Variants in SMG8 observed in about 807,000 individuals in gnomAD.
SMG8 encodes SMG8 nonsense mediated mRNA decay factor, also known as nonsense-mediated mRNA decay factor SMG8.
SMG8 carries 49 observed loss-of-function variants against 82.1 expected under a neutral mutation model. The observed-to-expected ratio is 0.60, with a 90% CI of 0.47 to 0.76. SMG8 has a LOEUF of 0.76. Among genes scored for constraint, SMG8 ranks in the 30% least tolerant of loss-of-function variants. SMG8 has a pLI of 0.00. For missense variants in SMG8, 969 were observed against 1,166.4 expected (o/e 0.83, Z 2.46); for synonymous variants, 404 against 430.0 (o/e 0.94, Z 0.75).
chr17:59,214,842 C>T lies in SMG8; in HGVS notation c.2816C>T (p.Pro939Leu), dbSNP rs1316019331. The T allele has an allele frequency of 2.3e-6, 2 of 872,938 alleles. No individual in the cohort carries two copies. Among genetic ancestry groups the T allele is most frequent in the Non-Finnish European group, 4.0e-6 (2 of 501,676 alleles). The allele number at this position is 872,938 out of a possible 1,614,324, so 54.1% of individuals were successfully genotyped here. Residue 939 changes from proline to leucine, a missense_variant, in exon 4 of 4, where the codon CCA (proline) becomes CTA (leucine). Pro to Leu is a moderately conservative substitution (Grantham distance 98). Coordinates refer to ENST00000300917, the MANE Select transcript of SMG8 (RefSeq NM_018149.7). ...CCACCACCATGTCCGGTATTCTACC[C>T]AGAAAAACAAGAAATCACCCTTCCA... ...PGPPPCPVFY[P>L]EKQEITLPPD...
rs886662205 is a variant in SMG8, at chr17:59,210,062, C to A, written c.11C>A (p.Pro4His). ...AGAACGCTCTGCACTATGGCTGGTC[C>A]CGTGAGCTTGCGAGACCTTCTAATG... Reference protein sequence around the residue: MAGPVSLRDLLMGA... With the variant: MAGHVSLRDLLMGA... Residue 4 changes from proline to histidine, a missense_variant, in exon 1 of 4, where the codon CCC becomes CAC. Physicochemically the swap from Pro to His is moderately conservative, Grantham distance 77. This residue lies in a region of SMG8 where 206 missense variants were observed against 190.5 expected (regional missense o/e 1.08). Transcript: ENST00000300917. 6.4e-7 allele frequency: 1 copy of A among 1,561,150 alleles called. No individual in the cohort carries two copies. The highest frequency in any genetic ancestry group is 8.6e-7 in the Non-Finnish European group (1 of 1,159,010).
rs759369096 is a variant in SMG8, at chr17:59,213,567, C to T, written c.2744C>T (p.Pro915Leu). Residue 915 changes from proline (P) to leucine (L), a missense_variant, in exon 3 of 4, where the codon CCT becomes CTT. Pro to Leu is a moderately conservative substitution (Grantham distance 98). Around this residue, in one of 3 missense-constraint regions of SMG8, gnomAD observed 101 missense variants for 91.1 expected, o/e 1.11. Transcript: ENST00000300917. ...CTTATGAGGCTTTTTGTTGTGGTTC[C>T]TGATGCTCCTTTGCAGATAATACTA... is the stretch of plus-strand genomic sequence containing the variant. ...AQLMRLFVVV[P>L]DAPLQIILMP... The T allele has an allele frequency of 6.2e-7, 1 of 1,613,542 alleles. No homozygotes were observed. Among genetic ancestry groups the T allele is most frequent in the East Asian group, 2.2e-5 (1 of 44,884 alleles).
chr17:59,211,334 A>G lies in SMG8; in HGVS notation c.1283A>G (p.Asp428Gly), dbSNP rs908895174. 3 of 1,614,020 alleles carry G rather than the reference A, an allele frequency of 1.9e-6. No individual in the cohort carries two copies. The highest frequency in any genetic ancestry group is 2.5e-6 in the Non-Finnish European group (3 of 1,180,034). The change falls in exon 1 of 4, where the codon GAT becomes GGT. Residue 428 changes from aspartate to glycine, a missense_variant. Asp to Gly is a moderately conservative substitution (Grantham distance 94). Transcript: ENST00000300917. ...CTAGTTCTAAGCAAGAAAGGTTTCGATGACAGTGTGGGCAGGAACCCACAG... is the reference window on the plus strand; with the variant it reads ...CTAGTTCTAAGCAAGAAAGGTTTCGGTGACAGTGTGGGCAGGAACCCACAG... ...VELVLSKKGF[D>G]DSVGRNPQPS...
chr17:59,212,723 C>T lies in SMG8; in HGVS notation c.1906-6C>T, dbSNP rs1393925034. ...CTTACTGGATTTTTTTTCTTACCCT[C>T]TATAGCTTCTGGAAGAAAAGTGTTG... On this transcript the variant is annotated splice_polypyrimidine_tract_variant and splice_region_variant and intron_variant, in intron 2 of 3. Transcript: ENST00000300917. The T allele has an allele frequency of 6.3e-7, 1 of 1,592,580 alleles. No homozygotes were observed. Among genetic ancestry groups the T allele is most frequent in the Admixed American group, 1.9e-5 (1 of 53,916 alleles).
rs1568332234 is a variant in SMG8, at chr17:59,211,622, AT to A, written c.1572del (p.His524GlnfsTer48). On this transcript the variant is annotated frameshift_variant, in exon 1 of 4. Transcript: ENST00000300917. LOFTEE classifies it high-confidence loss of function. ...NLPHNYTMTVHKNQLAQALRV... is the reference protein window; with the variant it reads ...NLPHNYTMTVXKNQLAQALRV... ...CCTCATAATTACACAATGACTGTCC[AT>A]AAGAATCAGCTTGCCCAGGCTCTTC... is the stretch of plus-strand genomic sequence containing the variant. The A allele has an allele frequency of 1.2e-6, 2 of 1,614,136 alleles. No homozygotes were observed. Among genetic ancestry groups the A allele is most frequent in the South Asian group, 2.2e-5 (2 of 91,066 alleles).
chr17:59,213,309 G>C lies in SMG8; in HGVS notation c.2486G>C (p.Ser829Thr). 1 of 1,614,206 alleles carries C rather than the reference G, an allele frequency of 6.2e-7. No individual in the cohort carries two copies. Among genetic ancestry groups the C allele is most frequent in the Non-Finnish European group, 8.5e-7 (1 of 1,180,034 alleles). Residue 829 changes from serine to threonine, a missense_variant, in exon 3 of 4, where the codon AGT becomes ACT. This residue lies in a region of SMG8 where 662 missense variants were observed against 884.8 expected (regional missense o/e 0.75). Coordinates refer to ENST00000300917, the MANE Select transcript of SMG8 (RefSeq NM_018149.7). ...APNKAIPGKRSAVVMGRGRRR... is the reference protein window; with the variant it reads ...APNKAIPGKRTAVVMGRGRRR... ...AATAAAGCTATTCCTGGAAAGAGAA[G>C]TGCGGTTGTAATGGGAAGAGGAAGA...
chr17:59,215,020 C>A lies in SMG8; in HGVS notation c.*18C>A, dbSNP rs376474071. The A allele has an allele frequency of 6.9e-6, 6 of 866,458 alleles. No individual in the cohort carries two copies. Among genetic ancestry groups the A allele is most frequent in the Non-Finnish European group, 1.0e-5 (5 of 496,850 alleles). The allele number at this position is 866,458 out of a possible 1,614,324, so 53.7% of individuals were successfully genotyped here. A position where few individuals can be genotyped will look rare whatever the true frequency, so the allele number is the denominator to read the frequency against. ...CACAATAAGTGTTTTCCAGCCAGTTCAATCCTATACTTGAGCTGGTTTTTG... is the reference window on the plus strand; with the variant it reads ...CACAATAAGTGTTTTCCAGCCAGTTAAATCCTATACTTGAGCTGGTTTTTG... On this transcript the variant is annotated 3_prime_UTR_variant, in exon 4 of 4. Coordinates refer to ENST00000300917, the MANE Select transcript of SMG8 (RefSeq NM_018149.7).
chr17:59,210,774 T>G lies in SMG8; in HGVS notation c.723T>G (p.Leu241=). The G allele has an allele frequency of 6.2e-7, 1 of 1,614,160 alleles. No individual in the cohort carries two copies. Among genetic ancestry groups the G allele is most frequent in the Non-Finnish European group, 8.5e-7 (1 of 1,180,036 alleles). The part of the protein sequence containing the change: ...DGLRQKVLPL[L]KTAIKDCPVG... Reference sequence around the variant, plus strand: ...TGAGACAGAAGGTCCTGCCGCTCCTTAAAACAGCCATTAAGGATTGTCCAG... The same window carrying G: ...TGAGACAGAAGGTCCTGCCGCTCCTGAAAACAGCCATTAAGGATTGTCCAG... The change falls in exon 1 of 4, where the codon CTT becomes CTG. Residue 241 remains leucine (L), a synonymous_variant. Coordinates refer to ENST00000300917, the MANE Select transcript of SMG8 (RefSeq NM_018149.7).
In SMG8 at chr17:59,213,584, A is replaced by G; in HGVS notation, c.2761A>G (p.Ile921Val). 1 of 1,609,060 alleles carries G rather than the reference A, an allele frequency of 6.2e-7. No individual in the cohort carries two copies. The highest frequency in any genetic ancestry group is 1.3e-5 in the African/African-American group (1 of 74,686). ...FVVVPDAPLQ[I>V]ILMPQVQPGP... ...TGTGGTTCCTGATGCTCCTTTGCAG[A>G]TAATACTAATGCCTCAGGTAAGAAA... is the stretch of plus-strand genomic sequence containing the variant. The change falls in exon 3 of 4, where the codon ATA becomes GTA. Residue 921 changes from isoleucine to valine, a missense_variant. Physicochemically the swap from Ile to Val is conservative, Grantham distance 29. Coordinates refer to ENST00000300917, the MANE Select transcript of SMG8 (RefSeq NM_018149.7).
At chr17:59,212,212 A>G (rs1176572914) in intron 1 of SMG8, 129 bp from the exon 2 acceptor site, 6 of 671,984 alleles carry the variant, frequency 8.9e-6, no homozygotes, top group Non-Finnish European at 1.2e-5. Flanking sequence ...TATTTTATAT[A>G]CTTTCACTTG....
chr17:59,212,895 C>G lies in SMG8; in HGVS notation c.2072C>G (p.Thr691Arg). Residue 691 changes from threonine to arginine, a missense_variant, in exon 3 of 4, where the codon ACG becomes AGG. Transcript: ENST00000300917. ...EKEPQTQGES[T>R]SLSLALSLGQ... ...GAACCTCAAACCCAAGGAGAGAGCA[C>G]GAGCCTGAGTTTAGCTTTGAGTTTG... 1.2e-6 allele frequency: 2 copies of G among 1,614,068 alleles called. No individual in the cohort carries two copies. Among genetic ancestry groups the G allele is most frequent in the Non-Finnish European group, 1.7e-6 (2 of 1,180,034 alleles).
chr17:59,213,639 A>C, intron 3 of SMG8, 38 bp downstream of exon 3: 2 of 1,543,490 alleles, frequency 1.3e-6, no homozygotes, highest in Non-Finnish European at 1.7e-6. Context: ...AAACAAGTAA[A>C]AAATGCTGAT....
chr17:59,211,222 T>C lies in SMG8; in HGVS notation c.1171T>C (p.Ser391Pro). 1 of 1,614,172 alleles carries C rather than the reference T, an allele frequency of 6.2e-7. No homozygotes were observed. The highest frequency in any genetic ancestry group is 8.5e-7 in the Non-Finnish European group (1 of 1,179,992). ...VMRQHSRQQL[S>P]FHIDSSSSSS... ...GAGGCAGCACAGCCGACAACAACTT[T>C]CCTTTCACATTGACAGCAGCAGTTC... The change falls in exon 1 of 4, where the codon TCC (serine) becomes CCC (proline). Residue 391 changes from serine to proline, a missense_variant. Ser to Pro is a moderately conservative substitution (Grantham distance 74). This residue lies in a region of SMG8 where 662 missense variants were observed against 884.8 expected (regional missense o/e 0.75). Transcript: ENST00000300917.
At position 59,213,552 on chromosome 17, in the gene SMG8, T is replaced by C; in HGVS notation, c.2729T>C (p.Leu910Pro). The change falls in exon 3 of 4, where the codon CTT (leucine) becomes CCT (proline). Residue 910 changes from leucine (L) to proline (P), a missense_variant. Transcript: ENST00000300917. ...CCTCATTATGCTCAACTTATGAGGC[T>C]TTTTGTTGTGGTTCCTGATGCTCCT... ...LKPHYAQLMR[L>P]FVVVPDAPLQ... is the part of the protein sequence containing the mutation. 6.2e-7 allele frequency: 1 copy of C among 1,613,928 alleles called. No individual in the cohort carries two copies.
chr17:59,211,359 G>A lies in SMG8; in HGVS notation c.1308G>A (p.Gln436=), dbSNP rs1376332305. 1 of 1,614,218 alleles carries A rather than the reference G, an allele frequency of 6.2e-7. No homozygotes were observed. The highest frequency in any genetic ancestry group is 1.7e-5 in the Admixed American group (1 of 60,020). The part of the protein sequence containing the change: ...GFDDSVGRNP[Q]PSHFELPTYQ... ...ATGACAGTGTGGGCAGGAACCCACA[G>A]CCTTCCCATTTTGAACTTCCTACTT... Residue 436 remains glutamine (Q), a synonymous_variant, in exon 1 of 4, where the codon CAG becomes CAA. Transcript: ENST00000300917.
At position 59,210,958 on chromosome 17, in the gene SMG8, G is replaced by T. The variant is rs1204870793; in HGVS notation, c.907G>T (p.Ala303Ser). The change falls in exon 1 of 4, where the codon GCC becomes TCC. Residue 303 changes from alanine to serine, a missense_variant. This residue lies in a region of SMG8 where 662 missense variants were observed against 884.8 expected (regional missense o/e 0.75). Coordinates refer to ENST00000300917, the MANE Select transcript of SMG8 (RefSeq NM_018149.7). ...KHSPKRRLQH[A>S]LEDQIYRIFR... ...TTCTCCCAAAAGGAGGCTGCAGCAT[G>T]CCCTGGAGGACCAGATCTATAGAAT... 1.9e-6 allele frequency: 3 copies of T among 1,614,074 alleles called. No individual in the cohort carries two copies. Among genetic ancestry groups the T allele is most frequent in the African/African-American group, 2.7e-5 (2 of 74,928 alleles).
Position 59,211,326 on chromosome 17 carries a change from A to G in SMG8, c.1275A>G (p.Lys425=), listed in dbSNP as rs2046945001. 6.2e-7 allele frequency: 1 copy of G among 1,614,020 alleles called. No homozygotes were observed. The highest frequency in any genetic ancestry group is 8.5e-7 in the Non-Finnish European group (1 of 1,180,010). ...ATGTGGAGCTAGTTCTAAGCAAGAA[A>G]GGTTTCGATGACAGTGTGGGCAGGA... The part of the protein sequence containing the change: ...WQHVELVLSK[K]GFDDSVGRNP... Residue 425 remains lysine, a synonymous_variant, in exon 1 of 4, where the codon AAA becomes AAG. Coordinates refer to ENST00000300917, the MANE Select transcript of SMG8 (RefSeq NM_018149.7).
rs201942267 is a variant in SMG8, at chr17:59,210,050, C to T, written c.-2C>T. On this transcript the variant is annotated 5_prime_UTR_variant, in exon 1 of 4. Coordinates refer to ENST00000300917, the MANE Select transcript of SMG8 (RefSeq NM_018149.7). Reference sequence around the variant, plus strand: ...GAAGGACTCTAGAGAACGCTCTGCACTATGGCTGGTCCCGTGAGCTTGCGA... The same window carrying T: ...GAAGGACTCTAGAGAACGCTCTGCATTATGGCTGGTCCCGTGAGCTTGCGA... 9 of 1,548,822 alleles carry T rather than the reference C, an allele frequency of 5.8e-6. No individual in the cohort carries two copies. The highest frequency in any genetic ancestry group is 2.3e-5 in the East Asian group (1 of 44,306).
rs1568332349 is a variant in SMG8 at position 59,212,128 on chromosome 17, T to C, written c.1760-213T>C. 3 of 432,966 alleles carry C rather than the reference T, an allele frequency of 6.9e-6. No individual in the cohort carries two copies. The South Asian group carries it at 2.3e-4, about 33-fold the overall frequency. The allele number at this position is 432,966 out of a possible 1,614,324, so 26.8% of individuals were successfully genotyped here. ...GAACTAAAATGAATGTTATGTTAGA[T>C]GATGGTACATGATAATGGTAGCAGG... On this transcript the variant is annotated intron_variant, in intron 1 of 3. Coordinates refer to ENST00000300917, the MANE Select transcript of SMG8 (RefSeq NM_018149.7).
Sources: gnomAD v4.1 joint callset for allele counts on GRCh38, gnomAD v4.1.1 for gene constraint, gnomAD v4.1.1 regional missense constraint, MANE v1.5 for transcripts, NCBI Gene and HGNC (gene_info 2026-07-23, HGNC 2026-07-21) for gene names.